ZNF362: variants seen among roughly 807,000 people sequenced by gnomAD.
ZNF362 encodes the protein zinc finger protein 362.
A neutral mutation model predicts 42.9 loss-of-function variants in ZNF362; 11 were observed. The ratio of observed to expected loss-of-function variants is 0.26; its 90% CI spans 0.16 to 0.42. ZNF362 has a LOEUF of 0.42. Among genes scored for constraint, ZNF362 ranks in the 20% least tolerant of loss-of-function variants. ZNF362 has a pLI of 1.00. For synonymous variants in ZNF362, 255 were observed against 257.3 expected (o/e 0.99, Z 0.09); for missense variants, 362 against 576.2 (o/e 0.63, Z 3.81).
At chr1:33,168,692 C>T in the ZNF362 span, among the ~76,000 whole-genome samples, 3 of 152,210 alleles carry the variant, frequency 2.0e-5, no homozygotes, top group East Asian at 1.9e-4. Context: ...ATACAGTCCT[C>T]GGAGCAGAGG....
At chr1:33,271,882 G>A (rs753713712) in intron 2 of ZNF362, among the ~76,000 whole-genome samples, 1 of 152,212 alleles carries the variant, frequency 6.6e-6, no homozygotes, top group Admixed American at 6.5e-5. Context: ...ATGGCATAGG[G>A]GAAGACTAAG....
At chr1:33,176,622 G>C in the ZNF362 span, 7 of 508,244 alleles carry the variant, frequency 1.4e-5, no homozygotes, top group Admixed American at 3.0e-5. Context: ...CGGGGCGTCA[G>C]CTGGCACAGA....
chr1:33,196,405 CAAAT>C, the ZNF362 span, among the ~76,000 whole-genome samples: 1 of 152,024 alleles, frequency 6.6e-6, no homozygotes, highest in Admixed American at 6.6e-5. Context: ...AGCAAACAAA[CAAAT>C]AAAAAACAAA....
chr1:33,226,470 A>G, the ZNF362 span, among the ~76,000 whole-genome samples: 62 of 152,232 alleles, frequency 4.1e-4, no homozygotes, highest in African/African-American at 1.4e-3. Context: ...TGATGAATGG[A>G]TAAACAAAAT....
At chr1:33,263,672 A>G (rs1187564867) in intron 1 of ZNF362, among the ~76,000 whole-genome samples, 1 of 152,300 alleles carries the variant, frequency 6.6e-6, no homozygotes, top group East Asian at 1.9e-4. Context: ...TGGCCTCCCA[A>G]AGTGCTGGGA....
At chr1:33,152,960 G>T in the ZNF362 span, among the ~76,000 whole-genome samples, 5 of 150,176 alleles carry the variant, frequency 3.3e-5, no homozygotes, top group Admixed American at 6.8e-5. Flanking sequence ...GTGCCTGGGA[G>T]TTGGGGGATT....
the ZNF362 span, chr1:33,142,257 G>A: frequency 6.6e-6 from 1 of 152,314 alleles, no homozygotes. Context: ...GTGCTGCCCA[G>A]GTGTGAGCAG....
the ZNF362 span, among the ~76,000 whole-genome samples, chr1:33,194,414 G>A: frequency 1.3e-5 from 2 of 151,416 alleles, no homozygotes; most frequent in East Asian, 3.9e-4. Context: ...GCACATATCT[G>A]TAGTTCCAGC....
At chr1:33,148,680 A>G in the ZNF362 span, among the ~76,000 whole-genome samples, 6 of 152,360 alleles carry the variant, frequency 3.9e-5, no homozygotes, top group South Asian at 2.1e-4. Context: ...ATCTATGTAC[A>G]TATACACACA....
At chr1:33,167,510 C>T in the ZNF362 span, among the ~76,000 whole-genome samples, 5 of 152,150 alleles carry the variant, frequency 3.3e-5, no homozygotes, top group African/African-American at 7.2e-5. This position sits in a 1 kb window ranked among gnomAD's most constrained non-coding sequence, Gnocchi z 4.2. Context: ...TCTTCGTCCC[C>T]GTATTGGCCC....
the ZNF362 span, among the ~76,000 whole-genome samples, chr1:33,138,318 T>G: frequency 6.6e-6 from 1 of 151,988 alleles, no homozygotes; most frequent in Non-Finnish European, 1.5e-5. Flanking sequence ...AAAAACAGGT[T>G]ATGGAACAAT....
the ZNF362 span, among the ~76,000 whole-genome samples, chr1:33,225,327 A>G: frequency 6.6e-6 from 1 of 152,066 alleles, no homozygotes; most frequent in Non-Finnish European, 1.5e-5. Flanking sequence ...TTCTTTATGC[A>G]TTATTACCTT....
the ZNF362 span, among the ~76,000 whole-genome samples, chr1:33,226,701 C>T: frequency 3.9e-5 from 6 of 152,146 alleles, no homozygotes; most frequent in Non-Finnish European, 8.8e-5. Context: ...CCCATCGCTA[C>T]TAAAAATACA....
the ZNF362 span, among the ~76,000 whole-genome samples, chr1:33,213,847 A>G: frequency 2.0e-5 from 3 of 152,168 alleles, no homozygotes; most frequent in Non-Finnish European, 4.4e-5. Flanking sequence ...CTGTCTCAAA[A>G]AAACCAAAGC....
At chr1:33,216,627 GA>G in the ZNF362 span, among the ~76,000 whole-genome samples, 3,882 of 142,438 alleles carry the variant, frequency 0.027, 170 homozygotes, top group African/African-American at 0.093. Context: ...AAAGAAACAG[GA>G]AAAAAAAAAT....
intron 4 of ZNF362, among the ~76,000 whole-genome samples, chr1:33,277,937 G>A (rs1035764675): frequency 7.9e-5 from 12 of 151,896 alleles, no homozygotes; most frequent in African/African-American, 2.2e-4. Context: ...CTCCCCTGTC[G>A]CCCCTGCTGC....
the ZNF362 span, among the ~76,000 whole-genome samples, chr1:33,227,244 C>T: frequency 6.6e-6 from 1 of 152,142 alleles, no homozygotes; most frequent in African/African-American, 2.4e-5. Flanking sequence ...TCCTTTGAAG[C>T]TCCTCCTATT....
intron 1 of ZNF362, chr1:33,261,472 A>G (rs535113887): frequency 6.6e-5 from 10 of 152,272 alleles, no homozygotes; most frequent in Admixed American, 2.6e-4. Flanking sequence ...GAAGAAAGGC[A>G]GACAGCCTTG....
chr1:33,277,432 C>T (rs1645959459), intron 4 of ZNF362, among the ~76,000 whole-genome samples: 1 of 152,188 alleles, frequency 6.6e-6, no homozygotes, highest in Admixed American at 6.5e-5. Context: ...AAAAAGGGCC[C>T]TGTAGGCCAC....
Sources: gnomAD v4.1 joint callset for allele counts (sites outside exome capture counted in the v4.1 genomes callset) on GRCh38, gnomAD v4.1.1 for gene constraint, Gnocchi (gnomAD v3.1) non-coding constraint, MANE v1.5 for transcripts, NCBI Gene and HGNC (gene_info 2026-07-23, HGNC 2026-07-21) for gene names.